Variants in IQCB1 observed in about 807,000 individuals in gnomAD.
The protein encoded by IQCB1 is IQ motif containing B1.
A neutral mutation model predicts 84.4 loss-of-function variants in IQCB1; 56 were observed. That is an observed-to-expected ratio of 0.66 (90% CI 0.54 to 0.83). The LOEUF is 0.83. IQCB1 is among the 40% of genes least tolerant of loss of function. The pLI is 0.00. For missense variants in IQCB1, 629 were observed against 682.1 expected (o/e 0.92, Z 0.87); for synonymous variants, 210 against 234.8 (o/e 0.89, Z 0.96).
chr3:121,800,624 T>C (rs1167853528), intron 7 of IQCB1, among the ~76,000 whole-genome samples: 2 of 151,904 alleles, frequency 1.3e-5, no homozygotes, highest in Non-Finnish European at 2.9e-5. Flanking sequence ...AAAAATATGC[T>C]CATCTCAGAA....
At chr3:121,787,082 T>G (rs1948766879) in intron 12 of IQCB1, among the ~76,000 whole-genome samples, 1 of 152,158 alleles carries the variant, frequency 6.6e-6, no homozygotes, top group Non-Finnish European at 1.5e-5. Context: ...CAGGATTGTT[T>G]GTTGCAGACA....
At chr3:121,816,905 C>T (rs1421936037) in intron 5 of IQCB1, among the ~76,000 whole-genome samples, 1 of 152,218 alleles carries the variant, frequency 6.6e-6, no homozygotes, top group East Asian at 1.9e-4. Flanking sequence ...TATTCCATTA[C>T]TGGATATATA....
intron 13 of IQCB1, among the ~76,000 whole-genome samples, chr3:121,773,364 C>A (rs77790376): frequency 6.9e-6 from 1 of 144,858 alleles, no homozygotes; most frequent in South Asian, 2.2e-4. Flanking sequence ...GGTGTAACAA[C>A]GCCAATCCCT....
At chr3:121,818,597 G>C (rs1950160947) in intron 5 of IQCB1, among the ~76,000 whole-genome samples, 1 of 152,172 alleles carries the variant, frequency 6.6e-6, no homozygotes, top group South Asian at 2.1e-4. Context: ...CCAAAGGAGA[G>C]AGTAAACACT....
intron 12 of IQCB1, among the ~76,000 whole-genome samples, chr3:121,787,415 C>T (rs935324304): frequency 1.3e-5 from 2 of 152,112 alleles, no homozygotes; most frequent in African/African-American, 4.8e-5. Context: ...TCCAAGGCAA[C>T]AAAATAGTAC....
At position 121,793,525 on chromosome 3, in the gene IQCB1, T is replaced by A. The variant is rs1235599914; in HGVS notation, c.986+1932A>T. Among the ~76,000 whole-genome samples the A allele has an allele frequency of 2.6e-5, 4 of 152,106 alleles. No homozygotes were observed. In the East Asian group the frequency reaches 7.7e-4, roughly 29 times the overall value. On this transcript the variant is annotated intron_variant, in intron 10 of 14. Transcript: ENST00000310864. ...CAAGCTACAAAGGAAGCAAGAGACA[T>A]TTGCATGAACTGTTACAACTAATAG... is the stretch of plus-strand genomic sequence containing the variant.
At chr3:121,788,578 A>T in intron 11 of IQCB1, 146 bp from the exon 12 acceptor site, 1 of 803,874 alleles carries the variant, frequency 1.2e-6, no homozygotes, top group Non-Finnish European at 2.0e-6. Flanking sequence ...CTATTTTACC[A>T]TGGTTCTAAG....
intron 7 of IQCB1, among the ~76,000 whole-genome samples, chr3:121,801,282 A>T (rs1001712739): frequency 6.6e-6 from 1 of 152,088 alleles, no homozygotes; most frequent in Non-Finnish European, 1.5e-5. Context: ...CACCTGATGG[A>T]CATTTGAGTT....
chr3:121,782,016 A>C (rs1948517379), intron 12 of IQCB1, 142 bp from the exon 13 acceptor site: 2 of 804,000 alleles, frequency 2.5e-6, no homozygotes, highest in Non-Finnish European at 4.1e-6. Flanking sequence ...GACTGTGACA[A>C]AATGCAGGAG....
chr3:121,829,102 T>C, intron 2 of IQCB1, 130 bp from the exon 3 acceptor site: 1 of 658,616 alleles, frequency 1.5e-6, no homozygotes, highest in Non-Finnish European at 2.7e-6. Flanking sequence ...AGGCAGAATG[T>C]AGATTTTTTC....
intron 13 of IQCB1, among the ~76,000 whole-genome samples, chr3:121,773,190 T>C (rs1211691854): frequency 6.6e-6 from 1 of 151,968 alleles, no homozygotes; most frequent in African/African-American, 2.4e-5. Flanking sequence ...GGTGGGTGCC[T>C]GTAATCCCAG....
At chr3:121,773,128 G>T (rs1416639127) in intron 13 of IQCB1, among the ~76,000 whole-genome samples, 2 of 151,974 alleles carry the variant, frequency 1.3e-5, no homozygotes, top group Non-Finnish European at 2.9e-5. Context: ...TTCAAGACCA[G>T]CCTGGCCAAC....
At chr3:121,834,901 T>C in intron 1 of IQCB1, 65 bp downstream of exon 1, 1 of 316,152 alleles carries the variant, frequency 3.2e-6, no homozygotes, top group Non-Finnish European at 6.1e-6. Context: ...GAGCCTGGGG[T>C]CCTGGCCTCC....
rs1947907343 is a variant in IQCB1 at position 121,770,141 on chromosome 3, T to A, written c.*204A>T. On this transcript the variant is annotated 3_prime_UTR_variant, in exon 15 of 15. Transcript: ENST00000310864. ...AATAAAAGCCACACAAATCTGTGTG[T>A]GGCTAACGATGAGGATACAGAGAAA... 7.2e-6 allele frequency: 4 copies of A among 555,840 alleles called. No individual in the cohort carries two copies. The highest frequency in any genetic ancestry group is 1.3e-5 in the Non-Finnish European group (4 of 310,884). The allele number at this position is 555,840 out of a possible 1,614,324, so 34.4% of individuals were successfully genotyped here. A position where few individuals can be genotyped will look rare whatever the true frequency, so the allele number is the denominator to read the frequency against.
At chr3:121,819,065 C>G (rs140563671) in intron 5 of IQCB1, among the ~76,000 whole-genome samples, 1 of 152,004 alleles carries the variant, frequency 6.6e-6, no homozygotes, top group Admixed American at 6.6e-5. Flanking sequence ...ACTAGGGGGT[C>G]AAGGGGAAGG....
At chr3:121,809,745 C>T (rs1045995267) in intron 5 of IQCB1, among the ~76,000 whole-genome samples, 1 of 151,910 alleles carries the variant, frequency 6.6e-6, no homozygotes, top group African/African-American at 2.4e-5. Flanking sequence ...CATTTATTGG[C>T]CATGTAACTT....
chr3:121,774,160 G>A (rs559151813), intron 13 of IQCB1, among the ~76,000 whole-genome samples: 6 of 151,826 alleles, frequency 4.0e-5, no homozygotes, highest in Middle Eastern at 3.2e-3. Context: ...ATAAAGAAAC[G>A]GCCAATAAAC....
chr3:121,810,872 A>G (rs1247223505), intron 5 of IQCB1, among the ~76,000 whole-genome samples: 5 of 152,194 alleles, frequency 3.3e-5, no homozygotes, highest in Admixed American at 3.3e-4. Context: ...AATCTAGCAA[A>G]TATTTATTTA....
At chr3:121,820,715 T>C (rs1008261080) in intron 5 of IQCB1, among the ~76,000 whole-genome samples, 2 of 120,066 alleles carry the variant, frequency 1.7e-5, no homozygotes, top group African/African-American at 6.7e-5. Context: ...TCATCATTAA[T>C]ATATTATATA....
Sources: allele counts gnomAD v4.1 joint callset (sites outside exome capture counted in the v4.1 genomes callset), GRCh38; gene constraint gnomAD v4.1.1; transcripts MANE v1.5; gene names NCBI Gene and HGNC (gene_info 2026-07-23, HGNC 2026-07-21).